The following RNF121 variants were observed in gnomAD, a reference collection of about 807,000 sequenced individuals.
RNF121 encodes ring finger protein 121, also known as E3 ubiquitin ligase RNF121.
RNF121 carries 21 observed loss-of-function variants against 46.5 expected under a neutral mutation model. The observed-to-expected ratio is 0.45, with a 90% CI of 0.32 to 0.65. The LOEUF (loss-of-function observed/expected upper bound fraction) is 0.65, where lower values mean the gene tolerates loss of function less well. Among genes scored for constraint, RNF121 ranks in the 30% least tolerant of loss-of-function variants. The pLI is 0.04. For synonymous variants in RNF121, 139 were observed against 144.7 expected (o/e 0.96, Z 0.28); for missense variants, 346 against 416.0 (o/e 0.83, Z 1.46).
intron 3 of RNF121, among the ~76,000 whole-genome samples, chr11:71,973,075 A>G (rs1385885648): frequency 6.6e-6 from 1 of 151,734 alleles, no homozygotes; most frequent in African/African-American, 2.4e-5. Context: ...AATCCCAGCT[A>G]CTCGGAAGGC....
At chr11:71,953,414 G>A (rs1349387133) in intron 1 of RNF121, among the ~76,000 whole-genome samples, 1 of 152,202 alleles carries the variant, frequency 6.6e-6, no homozygotes, top group Non-Finnish European at 1.5e-5. Context: ...AGAGTCAAGT[G>A]TACAGATGCG....
chr11:71,996,202 A>G lies in RNF121; in HGVS notation c.871A>G (p.Arg291Gly). The G allele has an allele frequency of 6.2e-7, 1 of 1,613,982 alleles. No homozygotes were observed. The highest frequency in any genetic ancestry group is 8.5e-7 in the Non-Finnish European group (1 of 1,179,976). Residue 291 changes from arginine to glycine, a missense_variant, in exon 9 of 9, where the codon AGG becomes GGG. Physicochemically the swap from Arg to Gly is moderately radical, Grantham distance 125. Coordinates refer to ENST00000361756, the MANE Select transcript of RNF121 (RefSeq NM_018320.5). ...TCTTTAACACACTGACAGCTGGGAG[A>G]GGCCTCACGTCATGTATGGGCAACT... Reference protein sequence around the residue: ...LKRMFSNPWERPHVMYGQLLD... With the variant: ...LKRMFSNPWEGPHVMYGQLLD...
intron 1 of RNF121, among the ~76,000 whole-genome samples, chr11:71,950,026 C>A (rs1953831400): frequency 6.6e-6 from 1 of 151,684 alleles, no homozygotes; most frequent in Admixed American, 6.6e-5. Flanking sequence ...CACACACACA[C>A]ACACACAAAA....
chr11:71,979,492 T>G (rs147077630), intron 3 of RNF121, among the ~76,000 whole-genome samples: 19 of 152,346 alleles, frequency 1.2e-4, no homozygotes, highest in African/African-American at 3.6e-4. Context: ...TTTACGTACT[T>G]GATGTATATC....
rs1352719257 is a variant in RNF121, at chr11:71,993,471, T to C, written c.628-1248T>C. Among the ~76,000 whole-genome samples the C allele has an allele frequency of 1.2e-4, 3 of 24,866 alleles. No individual in the cohort carries two copies. In the East Asian group the frequency reaches 1.9e-3, roughly 16 times the overall value. 16.3% of individuals were successfully genotyped at this position (24,866 alleles called of 152,430 possible). A position where few individuals can be genotyped will look rare whatever the true frequency, so the allele number is the denominator to read the frequency against. ...TGTAAATGGAATCATACAATATTTG[T>C]CCCTTTGGCTTTTTTCACTTAGCGT... On this transcript the variant is annotated intron_variant, in intron 6 of 8. Coordinates refer to ENST00000361756, the MANE Select transcript of RNF121 (RefSeq NM_018320.5).
Position 71,996,179 on chromosome 11 carries a change from T to C in RNF121, c.864-16T>C. On this transcript the variant is annotated splice_polypyrimidine_tract_variant and intron_variant, in intron 8 of 8. Coordinates refer to ENST00000361756, the MANE Select transcript of RNF121 (RefSeq NM_018320.5). ...CAGCTCTTGCACAGAGTCTCTTTTC[T>C]TTAACACACTGACAGCTGGGAGAGG... is the stretch of plus-strand genomic sequence containing the variant. The C allele has an allele frequency of 1.2e-6, 2 of 1,613,830 alleles. No homozygotes were observed. Among genetic ancestry groups the C allele is most frequent in the South Asian group, 2.2e-5 (2 of 91,068 alleles).
At chr11:71,989,156 C>T (rs1440599538) in intron 5 of RNF121, among the ~76,000 whole-genome samples, 2 of 152,144 alleles carry the variant, frequency 1.3e-5, no homozygotes, top group Admixed American at 1.3e-4. Flanking sequence ...TCACTGCAAC[C>T]TCCACCTCCC....
chr11:71,938,314 ATT>A lies in RNF121; in HGVS notation c.63+9212_63+9213del, dbSNP rs71958930. 7.4e-3 allele frequency among the ~76,000 whole-genome samples: 703 copies of A among 94,884 alleles called. 1 individual carries two copies. The highest frequency in any genetic ancestry group is 0.03 in the Middle Eastern group (3 of 100). 62.2% of individuals were successfully genotyped at this position (94,884 alleles called of 152,430 possible). ...AGCATTTTACGTGTGTAGTCTCTTA[ATT>A]TTTTTTTTTTTTTTTTTTTTTGAGA... On this transcript the variant is annotated intron_variant, in intron 1 of 8. Coordinates refer to ENST00000361756, the MANE Select transcript of RNF121 (RefSeq NM_018320.5).
intron 1 of RNF121, among the ~76,000 whole-genome samples, chr11:71,948,775 G>A (rs1565144479): frequency 6.6e-6 from 1 of 152,148 alleles, no homozygotes. Flanking sequence ...TGAATTCTTG[G>A]CAAAGCTGAG....
At chr11:71,953,514 A>G (rs1953928142) in intron 1 of RNF121, among the ~76,000 whole-genome samples, 1 of 152,258 alleles carries the variant, frequency 6.6e-6, no homozygotes, top group Non-Finnish European at 1.5e-5. Context: ...TTATTTCAGT[A>G]TCTTATTAAA....
At chr11:71,959,375 AT>A (rs1954072684) in intron 2 of RNF121, among the ~76,000 whole-genome samples, 1 of 152,008 alleles carries the variant, frequency 6.6e-6, no homozygotes, top group Non-Finnish European at 1.5e-5. Context: ...TTTTTGTTAT[AT>A]TTGCTTTATT....
rs118134741 is a variant in RNF121 at position 71,990,671 on chromosome 11, G to A, written c.581G>A (p.Arg194Gln). 7.1e-5 allele frequency: 115 copies of A among 1,614,174 alleles called. No individual in the cohort carries two copies. Among genetic ancestry groups the A allele is most frequent in the East Asian group, 6.9e-4 (31 of 44,884 alleles). ...GGCCTCTACTATGGAGTTCTGGAACGGGACTTTGCAGAAATGTGTGCAGAC... is the reference window on the plus strand; with the variant it reads ...GGCCTCTACTATGGAGTTCTGGAACAGGACTTTGCAGAAATGTGTGCAGAC... ...FYGLYYGVLE[R>Q]DFAEMCADYM... The change falls in exon 6 of 9, where the codon CGG becomes CAG. Residue 194 changes from arginine (R) to glutamine (Q), a missense_variant. Arg to Gln is a conservative substitution (Grantham distance 43, BLOSUM62 1). Around this residue, in one of 2 missense-constraint regions of RNF121, gnomAD observed 286 missense variants for 383.8 expected, o/e 0.75. Coordinates refer to ENST00000361756, the MANE Select transcript of RNF121 (RefSeq NM_018320.5).
intron 6 of RNF121, among the ~76,000 whole-genome samples, chr11:71,994,066 T>G (rs1444018081): frequency 2.6e-5 from 4 of 152,134 alleles, no homozygotes; most frequent in African/African-American, 9.7e-5. Context: ...GCTCTCGATC[T>G]CCTGACCTCG....
At chr11:71,971,266 C>G (rs1323481780) in intron 3 of RNF121, among the ~76,000 whole-genome samples, 2 of 152,012 alleles carry the variant, frequency 1.3e-5, no homozygotes, top group Non-Finnish European at 2.9e-5. Context: ...TGCCTGTAGT[C>G]CCAGCTACTC....
intron 4 of RNF121, among the ~76,000 whole-genome samples, chr11:71,986,516 C>G (rs1022092290): frequency 6.6e-6 from 1 of 152,080 alleles, no homozygotes; most frequent in African/African-American, 2.4e-5. Context: ...GCCTATAATC[C>G]AAACACTTTG....
intron 1 of RNF121, chr11:71,938,850 G>A (rs987151485): frequency 6.6e-6 from 1 of 152,418 alleles, no homozygotes; most frequent in Non-Finnish European, 1.5e-5. Context: ...TGCATCTTGG[G>A]TGCTTCATGC....
intron 1 of RNF121, among the ~76,000 whole-genome samples, chr11:71,946,465 G>A (rs986468596): frequency 5.9e-5 from 9 of 152,048 alleles, no homozygotes; most frequent in Admixed American, 5.9e-4. Flanking sequence ...TGACTCACAG[G>A]ATTTTCCCCT....
At chr11:71,936,601 A>G (rs929638413) in intron 1 of RNF121, among the ~76,000 whole-genome samples, 3 of 151,986 alleles carry the variant, frequency 2.0e-5, no homozygotes, top group African/African-American at 4.8e-5. Flanking sequence ...TCACCGTGTT[A>G]GCCAGGATGG....
intron 1 of RNF121, among the ~76,000 whole-genome samples, chr11:71,930,725 A>G (rs1367477226): frequency 6.6e-6 from 1 of 152,230 alleles, no homozygotes; most frequent in Non-Finnish European, 1.5e-5. Context: ...AAGGTTTGTT[A>G]GTCATGGGCT....
Sources: allele counts gnomAD v4.1 joint callset (sites outside exome capture counted in the v4.1 genomes callset), GRCh38; gene constraint gnomAD v4.1.1; regional missense constraint gnomAD v4.1.1; transcripts MANE v1.5; gene names NCBI Gene and HGNC (gene_info 2026-07-23, HGNC 2026-07-21).